The following DLG2 variants were observed in gnomAD, a reference collection of about 807,000 sequenced individuals.
DLG2 encodes the protein disks large homolog 2.
In DLG2, 45 loss-of-function variants were observed where a neutral mutation model predicts 132.5. The observed-to-expected ratio is 0.34, with a 90% CI of 0.27 to 0.44. The LOEUF is 0.44. Ranked by LOEUF, DLG2 falls within the 20% of genes least tolerant of loss-of-function variation. DLG2 has a pLI of 1.00. For missense variants in DLG2, 1,045 were observed against 1,196.9 expected (o/e 0.87, Z 1.87); for synonymous variants, 424 against 419.6 (o/e 1.01, Z -0.13).
intron 3 of DLG2, among the ~76,000 whole-genome samples, chr11:85,353,198 A>C (rs2083433541): frequency 6.6e-6 from 1 of 152,256 alleles, no homozygotes; most frequent in Non-Finnish European, 1.5e-5. Context: ...GCCACTTCTT[A>C]AAATGAGACA....
chr11:84,063,216 A>G (rs997523900), intron 10 of DLG2, among the ~76,000 whole-genome samples: 1 of 152,200 alleles, frequency 6.6e-6, no homozygotes, highest in African/African-American at 2.4e-5. Context: ...TATACACGTA[A>G]GTCTACAGTA....
chr11:84,835,609 T>G (rs1284329726), intron 6 of DLG2, among the ~76,000 whole-genome samples: 1 of 151,728 alleles, frequency 6.6e-6, no homozygotes, highest in Non-Finnish European at 1.5e-5. Flanking sequence ...TTGAACAACA[T>G]GTACAAATGC....
intron 17 of DLG2, among the ~76,000 whole-genome samples, chr11:83,819,794 C>A (rs2050233899): frequency 6.6e-6 from 1 of 152,116 alleles, no homozygotes; most frequent in African/African-American, 2.4e-5. Flanking sequence ...CCCTCTATTT[C>A]TCCCCTTCAA....
intron 4 of DLG2, among the ~76,000 whole-genome samples, chr11:85,238,495 C>T (rs141363009): frequency 0.041 from 6,284 of 152,048 alleles, 171 homozygotes; most frequent in East Asian, 0.093. Context: ...CCACCTGCCT[C>T]TGCCTCCCAA....
Position 85,396,083 on chromosome 11 carries a change from C to T in DLG2, c.41-110718G>A, listed in dbSNP as rs1431501326. 2.0e-5 allele frequency among the ~76,000 whole-genome samples: 3 copies of T among 152,242 alleles called. No homozygotes were observed. In the South Asian group the frequency reaches 6.2e-4, roughly 32 times the overall value. On this transcript the variant is annotated intron_variant, in intron 3 of 27. Coordinates refer to ENST00000376104, the MANE Select transcript of DLG2 (RefSeq NM_001142699.3). ...TGCTTCCAGAAGAAGGATGAGGCAGCAATATTTGCTGTTCTGCAGCCTCCG... is the reference window on the plus strand; with the variant it reads ...TGCTTCCAGAAGAAGGATGAGGCAGTAATATTTGCTGTTCTGCAGCCTCCG...
chr11:83,508,200 C>A (rs2139674818), intron 21 of DLG2, among the ~76,000 whole-genome samples: 1 of 151,636 alleles, frequency 6.6e-6, no homozygotes, highest in Admixed American at 6.6e-5. Flanking sequence ...CACAACTGTT[C>A]TTTGATAACT....
At chr11:85,193,905 T>C (rs995419305) in intron 4 of DLG2, among the ~76,000 whole-genome samples, 5 of 152,234 alleles carry the variant, frequency 3.3e-5, no homozygotes, top group African/African-American at 1.2e-4. Flanking sequence ...TTGGTCATTT[T>C]GTCTGTCTTA....
intron 3 of DLG2, among the ~76,000 whole-genome samples, chr11:85,385,694 A>G (rs2086265801): frequency 1.3e-5 from 2 of 152,302 alleles, no homozygotes; most frequent in South Asian, 4.1e-4. Context: ...TGTGAAACTG[A>G]TTAATTTAAA....
chr11:85,198,567 C>G (rs188301103), intron 4 of DLG2, among the ~76,000 whole-genome samples: 116 of 152,124 alleles, frequency 7.6e-4, no homozygotes, highest in African/African-American at 2.8e-3. Flanking sequence ...GGCAAGTTTA[C>G]AGATATTTTA....
At chr11:83,894,038 T>C (rs1336495397) in intron 15 of DLG2, among the ~76,000 whole-genome samples, 3 of 152,234 alleles carry the variant, frequency 2.0e-5, no homozygotes, top group Admixed American at 6.5e-5. Context: ...TTCATCCTTA[T>C]TTAGCCAATG....
chr11:84,790,748 G>T (rs2073713215), intron 6 of DLG2, among the ~76,000 whole-genome samples: 1 of 152,140 alleles, frequency 6.6e-6, no homozygotes, highest in African/African-American at 2.4e-5. Flanking sequence ...AATCCATTTT[G>T]ATTTGATTTT....
At chr11:84,929,018 A>ATC (rs1161432024) in intron 6 of DLG2, among the ~76,000 whole-genome samples, 40 of 125,056 alleles carry the variant, frequency 3.2e-4, no homozygotes, top group Non-Finnish European at 5.2e-4. Context: ...ATATATATAT[A>ATC]TATATATTAC....
At chr11:83,790,262 C>T in intron 17 of DLG2, 1 of 924,102 alleles carries the variant, frequency 1.1e-6, no homozygotes. Context: ...AAAGCTAAAC[C>T]TACCATTTGA....
chr11:84,308,919 C>T (rs1292062644), intron 7 of DLG2, among the ~76,000 whole-genome samples: 1 of 152,228 alleles, frequency 6.6e-6, no homozygotes, highest in African/African-American at 2.4e-5. Flanking sequence ...GCGCCTCTCC[C>T]TCCACACCTC....
intron 3 of DLG2, among the ~76,000 whole-genome samples, chr11:85,454,503 T>C (rs1180927265): frequency 6.6e-6 from 1 of 152,168 alleles, no homozygotes; most frequent in Admixed American, 6.5e-5. Context: ...GATATTATAG[T>C]TTCTCGTGCT....
chr11:84,201,190 C>G (rs958433540), intron 8 of DLG2, among the ~76,000 whole-genome samples: 9 of 152,150 alleles, frequency 5.9e-5, no homozygotes, highest in African/African-American at 2.2e-4. Context: ...TTTTCCACCT[C>G]TATTGAGATA....
At position 85,131,230 on chromosome 11, in the gene DLG2, C is replaced by T. The variant is rs368197112; in HGVS notation, c.283-19495G>A. 2.5e-4 allele frequency among the ~76,000 whole-genome samples: 38 copies of T among 152,070 alleles called. 1 individual carries two copies. The highest frequency in any genetic ancestry group is 1.9e-3 in the Admixed American group (29 of 15,292). On this transcript the variant is annotated intron_variant, in intron 5 of 27. Coordinates refer to ENST00000376104, the MANE Select transcript of DLG2 (RefSeq NM_001142699.3). ...TTCCAAATTGAAGGCACTTGGATTT[C>T]GGTATTGATTTAATTTGTATAATAT... is the stretch of plus-strand genomic sequence containing the variant.
intron 19 of DLG2, among the ~76,000 whole-genome samples, chr11:83,572,932 C>T (rs1008968816): frequency 1.3e-5 from 2 of 152,136 alleles, no homozygotes; most frequent in African/African-American, 2.4e-5. Context: ...CAAAAGACTA[C>T]CCCTGCCCCA....
chr11:84,542,128 T>TGAGAGAGAGAGAGAGA (rs59128357), intron 6 of DLG2, among the ~76,000 whole-genome samples: 1 of 146,934 alleles, frequency 6.8e-6, no homozygotes, highest in African/African-American at 2.5e-5. Flanking sequence ...ACAGTACTGA[T>TGAGAGAGAGAGAGAGA]GAGAGAGAGA....
Sources: allele counts gnomAD v4.1 joint callset (sites outside exome capture counted in the v4.1 genomes callset), GRCh38; gene constraint gnomAD v4.1.1; transcripts MANE v1.5; gene names NCBI Gene and HGNC (gene_info 2026-07-23, HGNC 2026-07-21).